SPRY3: variants seen among roughly 807,000 people sequenced by gnomAD.
The protein encoded by SPRY3 is protein sprouty homolog 3.
Under a neutral mutation model 20.2 loss-of-function variants are expected in SPRY3, and 15 were observed. That is an observed-to-expected ratio of 0.74 (90% CI 0.50 to 1.14). The LOEUF (loss-of-function observed/expected upper bound fraction) is 1.14. Among genes scored for constraint, SPRY3 ranks in the 50% most tolerant of loss-of-function variants. The pLI, the probability that SPRY3 is intolerant of heterozygous loss-of-function variation, is 0.00. For synonymous variants in SPRY3, 143 were observed against 136.5 expected, an observed-to-expected ratio of 1.05 and a Z score of -0.33; for missense variants, 364 against 363.9, an observed-to-expected ratio of 1.00 and a Z score of 0.00.
At chrX:155,705,190 G>C (rs1272061131) in intron 2 of SPRY3, among the ~76,000 whole-genome samples, 1 of 151,362 alleles carries the variant, frequency 6.6e-6, no homozygotes, top group East Asian at 1.9e-4. Context: ...TATATTTATA[G>C]CATATATAAA....
chrX:155,688,833 C>T (rs1214783180), intron 2 of SPRY3, among the ~76,000 whole-genome samples: 1 of 63,138 alleles, frequency 1.6e-5, no homozygotes, highest in Non-Finnish European at 2.8e-5. Context: ...CACTGCCCTC[C>T]TCCGACAGGC....
intron 1 of SPRY3, among the ~76,000 whole-genome samples, chrX:155,647,471 G>A (rs1267201594): frequency 9.2e-6 from 1 of 108,569 alleles, no homozygotes; most frequent in Admixed American, 9.9e-5. Flanking sequence ...CCCACCCCCT[G>A]ACAGGCCCCA....
downstream of SPRY3, chrX:155,780,022 G>C (rs2091454224): frequency 6.0e-6 from 1 of 166,926 alleles, no homozygotes; most frequent in Admixed American, 6.6e-5. Context: ...TTAAAGGCCA[G>C]GATGGACAAG....
At chrX:155,766,951 C>G (rs1424620796) in intron 2 of SPRY3, among the ~76,000 whole-genome samples, 3 of 152,256 alleles carry the variant, frequency 2.0e-5, no homozygotes, top group Non-Finnish European at 4.4e-5. Context: ...AGGAGAAGCT[C>G]TTTCTCTTCA....
chrX:155,676,756 G>T (rs190764267), intron 2 of SPRY3, among the ~76,000 whole-genome samples: 167 of 111,957 alleles, frequency 1.5e-3, no homozygotes, highest in African/African-American at 5.3e-3. Context: ...GGCGGAAGGT[G>T]GTGGGGAAGA....
At chrX:155,756,952 C>G (rs1407922975) in intron 2 of SPRY3, among the ~76,000 whole-genome samples, 4 of 152,166 alleles carry the variant, frequency 2.6e-5, no homozygotes, top group African/African-American at 9.7e-5. Flanking sequence ...TATTACCACT[C>G]TCTCATCTAG....
downstream of SPRY3, chrX:155,777,622 A>C (rs1277919768): frequency 7.2e-5 from 1 of 13,980 alleles, no homozygotes; most frequent in African/African-American, 6.5e-3. Flanking sequence ...GTGCGTATGT[A>C]TCCCTTCTGT....
intron 1 of SPRY3, among the ~76,000 whole-genome samples, chrX:155,617,518 C>G (rs1486106445): frequency 8.9e-6 from 1 of 111,733 alleles, no homozygotes; most frequent in Non-Finnish European, 1.9e-5. Flanking sequence ...ATTTTCTGAT[C>G]CCAGCATCAA....
chrX:155,717,769 G>C (rs184337797), intron 2 of SPRY3, among the ~76,000 whole-genome samples: 171 of 152,210 alleles, frequency 1.1e-3, no homozygotes, highest in African/African-American at 3.7e-3. Context: ...GTATTCCATG[G>C]TTATAAGTGC....
intron 2 of SPRY3, among the ~76,000 whole-genome samples, chrX:155,738,030 G>T (rs1485122112): frequency 6.6e-6 from 1 of 152,030 alleles, no homozygotes; most frequent in African/African-American, 2.4e-5. Flanking sequence ...CTCACACCTT[G>T]TATAAAAATC....
chrX:155,659,989 A>G (rs2068005001), intron 2 of SPRY3, among the ~76,000 whole-genome samples: 1 of 111,396 alleles, frequency 9.0e-6, no homozygotes, highest in South Asian at 3.7e-4. Context: ...TTTTAATTTT[A>G]TAGATTCTTT....
chrX:155,687,411 C>T (rs1270202968), intron 2 of SPRY3, among the ~76,000 whole-genome samples: 1 of 112,535 alleles, frequency 8.9e-6, no homozygotes, highest in Non-Finnish European at 1.9e-5. Flanking sequence ...TCAATTAGAA[C>T]TCATATTTAC....
chrX:155,770,193 A>G (rs2091372409), intron 3 of SPRY3, among the ~76,000 whole-genome samples: 1 of 152,182 alleles, frequency 6.6e-6, no homozygotes. Context: ...TTTGAAATCA[A>G]CGTTGAGTCA....
chrX:155,671,113 C>T (rs2124559451), intron 2 of SPRY3, among the ~76,000 whole-genome samples: 1 of 111,797 alleles, frequency 8.9e-6, no homozygotes, highest in South Asian at 3.7e-4. Flanking sequence ...AGACAATCTA[C>T]TGAGGTGTGA....
Position 155,765,631 on chromosome X carries a change from A to G in SPRY3, c.-281-2331A>G, listed in dbSNP as rs186537529. ...GATCATCAATTTAACTTTTTTTGTC[A>G]TGGGTATCATCCTAAGAGGTAAGAA... is the stretch of plus-strand genomic sequence containing the variant. On this transcript the variant is annotated intron_variant, in intron 2 of 3. Transcript: ENST00000675360. Among the ~76,000 whole-genome samples the G allele has an allele frequency of 2.4e-4, 37 of 152,232 alleles. No homozygotes were observed. In the East Asian group the frequency reaches 6.2e-3, roughly 25 times the overall value.
At chrX:155,735,898 C>CT (rs953910495) in intron 2 of SPRY3, among the ~76,000 whole-genome samples, 14 of 151,026 alleles carry the variant, frequency 9.3e-5, no homozygotes, top group South Asian at 2.1e-4. Flanking sequence ...ATCTTCCACT[C>CT]TTTTTTTTTC....
chrX:155,775,938 A>C (rs964600525), exon 4 of SPRY3: 6 of 167,106 alleles, frequency 3.6e-5, no homozygotes, highest in African/African-American at 1.4e-4. Context: ...CTTATTTTAC[A>C]GATGGGAAAA....
intron 2 of SPRY3, among the ~76,000 whole-genome samples, chrX:155,749,067 C>T (rs1220487037): frequency 6.6e-6 from 1 of 151,922 alleles, no homozygotes; most frequent in African/African-American, 2.4e-5. Context: ...TTTTCACACT[C>T]AATCACACAA....
chrX:155,658,743 G>A (rs2067999659), intron 2 of SPRY3, among the ~76,000 whole-genome samples: 1 of 111,742 alleles, frequency 8.9e-6, no homozygotes, highest in Admixed American at 9.4e-5. Context: ...TGGTAAAAAT[G>A]GGCATCCTTG....
Sources: allele counts gnomAD v4.1 joint callset (sites outside exome capture counted in the v4.1 genomes callset), GRCh38; gene constraint gnomAD v4.1.1; transcripts MANE v1.5; gene names NCBI Gene and HGNC (gene_info 2026-07-23, HGNC 2026-07-21).